RGS7: variants seen among roughly 807,000 people sequenced by gnomAD.
RGS7 encodes the protein regulator of G protein signaling 7.
Under a neutral mutation model 81.1 loss-of-function variants are expected in RGS7, and 27 were observed. That is an observed-to-expected ratio of 0.33 (90% CI 0.25 to 0.46). RGS7 has a LOEUF of 0.46. RGS7 is among the 20% of genes least tolerant of loss of function. The pLI is 1.00. For missense variants in RGS7, 396 were observed against 607.4 expected (o/e 0.65, Z 3.66); for synonymous variants, 208 against 207.7 (o/e 1.00, Z -0.01).
chr1:241,076,775 T>C (rs1008463412), intron 3 of RGS7, among the ~76,000 whole-genome samples: 1 of 152,208 alleles, frequency 6.6e-6, no homozygotes, highest in African/African-American at 2.4e-5. Flanking sequence ...TATCAGATCA[T>C]TTCACATGAG....
At chr1:241,216,417 C>A (rs1285930527) in intron 2 of RGS7, among the ~76,000 whole-genome samples, 1 of 152,116 alleles carries the variant, frequency 6.6e-6, no homozygotes, top group Non-Finnish European at 1.5e-5. Flanking sequence ...AAACAGTGTT[C>A]ATGGCGTGAC....
At chr1:241,228,463 T>C (rs960832536) in intron 2 of RGS7, among the ~76,000 whole-genome samples, 8 of 152,308 alleles carry the variant, frequency 5.3e-5, no homozygotes, top group Admixed American at 5.2e-4. Flanking sequence ...ATATTATCTA[T>C]CTATAAAGAC....
chr1:241,020,145 C>T (rs553764035), intron 3 of RGS7, among the ~76,000 whole-genome samples: 67 of 152,136 alleles, frequency 4.4e-4, no homozygotes, highest in Non-Finnish European at 7.3e-4. Flanking sequence ...AATGAAGTTG[C>T]TACAGGGGAT....
At chr1:241,291,033 G>T (rs1175019139) in intron 2 of RGS7, among the ~76,000 whole-genome samples, 1 of 152,102 alleles carries the variant, frequency 6.6e-6, no homozygotes, top group Admixed American at 6.6e-5. Context: ...CTCTTTTCTT[G>T]ATTTAAAGGA....
Position 240,782,117 on chromosome 1 carries a change from T to G in RGS7, c.*7-5904A>C, listed in dbSNP as rs561490013. On this transcript the variant is annotated intron_variant, in intron 18 of 18. Transcript: ENST00000440928. ...TGGAAGATTTACACTTGGATCTATT[T>G]GTAAACCATGTGCAAATCCTGCCTT... Among the ~76,000 whole-genome samples the G allele has an allele frequency of 9.2e-5, 14 of 152,312 alleles. 1 individual carries two copies. The South Asian group carries it at 2.3e-3, about 25-fold the overall frequency.
chr1:240,995,158 A>C (rs1265380091), intron 3 of RGS7, among the ~76,000 whole-genome samples: 1 of 152,112 alleles, frequency 6.6e-6, no homozygotes, highest in Non-Finnish European at 1.5e-5. Flanking sequence ...TTAATTTTTG[A>C]ATATTTAACC....
At chr1:240,956,357 C>G (rs1210304965) in intron 4 of RGS7, among the ~76,000 whole-genome samples, 1 of 138,656 alleles carries the variant, frequency 7.2e-6, no homozygotes, top group Non-Finnish European at 1.5e-5. Flanking sequence ...GAGATTATAT[C>G]CCAAAGTACC....
intron 4 of RGS7, among the ~76,000 whole-genome samples, chr1:240,968,515 C>T (rs1682699917): frequency 6.6e-6 from 1 of 150,720 alleles, no homozygotes; most frequent in Admixed American, 6.7e-5. Flanking sequence ...ATTCAAGAGG[C>T]CCCAATCACT....
chr1:240,868,545 C>T lies in RGS7; in HGVS notation c.609+42G>A, dbSNP rs373490073. ...CAGGGCACCCCTCACTTCCCACAGACGGAGAAGATGGATTCAAGACGAGAG... is the reference window on the plus strand; with the variant it reads ...CAGGGCACCCCTCACTTCCCACAGATGGAGAAGATGGATTCAAGACGAGAG... On this transcript the variant is annotated intron_variant, in intron 9 of 18. Transcript: ENST00000440928. This position sits in a 1 kb window ranked among gnomAD's most constrained non-coding sequence, Gnocchi z 5.1. 44 of 1,578,358 alleles carry T rather than the reference C, an allele frequency of 2.8e-5. No individual in the cohort carries two copies. Among genetic ancestry groups the T allele is most frequent in the Middle Eastern group, 1.8e-4 (1 of 5,704 alleles).
At position 240,916,858 on chromosome 1, in the gene RGS7, T is replaced by C. The variant is rs76323384; in HGVS notation, c.385+13859A>G. Among the ~76,000 whole-genome samples the C allele has an allele frequency of 7.0e-4, 107 of 152,336 alleles. 3 individuals carry two copies. The East Asian group carries it at 0.019, about 28-fold the overall frequency. ...CCATACAGTCTGTTATATTTTGTTA[T>C]GGTGGCTCTAGTAAAGGAATCCACC... On this transcript the variant is annotated intron_variant, in intron 6 of 18. Coordinates refer to ENST00000440928, the MANE Select transcript of RGS7 (RefSeq NM_001364886.1).
In RGS7 at chr1:241,277,710, G is replaced by A. The variant is rs901050713; in HGVS notation, c.78+77989C>T. ...ATATTTTAGCTGTGACTTTTCACTCGTCTCTAACCATCACTTGTGCGTACA... is the reference window on the plus strand; with the variant it reads ...ATATTTTAGCTGTGACTTTTCACTCATCTCTAACCATCACTTGTGCGTACA... On this transcript the variant is annotated intron_variant, in intron 2 of 18. Transcript: ENST00000440928. Among the ~76,000 whole-genome samples, 7 of 151,860 alleles carry A rather than the reference G, an allele frequency of 4.6e-5. No homozygotes were observed. The East Asian group carries it at 7.7e-4, about 17-fold the overall frequency.
intron 3 of RGS7, among the ~76,000 whole-genome samples, chr1:241,062,587 T>G (rs903969502): frequency 6.6e-6 from 1 of 152,208 alleles, no homozygotes; most frequent in Non-Finnish European, 1.5e-5. Context: ...GAAGTAGTTT[T>G]CCCCAGACTC....
chr1:240,994,906 C>T (rs1456074880), intron 3 of RGS7, among the ~76,000 whole-genome samples: 2 of 152,044 alleles, frequency 1.3e-5, no homozygotes, highest in African/African-American at 4.8e-5. Flanking sequence ...AACTCCTGGT[C>T]TCCAAGTGAT....
chr1:241,203,796 C>T (rs565745503), intron 2 of RGS7, among the ~76,000 whole-genome samples: 2 of 152,132 alleles, frequency 1.3e-5, no homozygotes, highest in South Asian at 2.1e-4. Flanking sequence ...TTCATTTATT[C>T]GTTCGTTCAT....
At chr1:240,963,972 A>C (rs1208284152) in intron 4 of RGS7, among the ~76,000 whole-genome samples, 2 of 152,300 alleles carry the variant, frequency 1.3e-5, no homozygotes, top group East Asian at 3.9e-4. Flanking sequence ...TGATTGTGCC[A>C]CTGTACTTCA....
At chr1:241,031,492 C>T (rs558551865) in intron 3 of RGS7, among the ~76,000 whole-genome samples, 2 of 152,134 alleles carry the variant, frequency 1.3e-5, no homozygotes, top group Non-Finnish European at 2.9e-5. Flanking sequence ...GGTAGATGCT[C>T]AGTATTGGGA....
At chr1:241,237,808 T>C (rs1411570595) in intron 2 of RGS7, among the ~76,000 whole-genome samples, 1 of 151,944 alleles carries the variant, frequency 6.6e-6, no homozygotes, top group Admixed American at 6.6e-5. Flanking sequence ...ACCGTTCGAG[T>C]ATAATTTGAG....
Position 241,092,935 on chromosome 1 carries a change from G to A in RGS7, c.175+5731C>T, listed in dbSNP as rs904323269. Among the ~76,000 whole-genome samples, 10 of 151,788 alleles carry A rather than the reference G, an allele frequency of 6.6e-5. 1 individual carries two copies. The highest frequency in any genetic ancestry group is 5.9e-4 in the Admixed American group (9 of 15,240). ...AATCACATGAGAAAAAGAAAGAATG[G>A]AACATTAAATTTAGCAGTGAACTTC... is the stretch of plus-strand genomic sequence containing the variant. On this transcript the variant is annotated intron_variant, in intron 3 of 18. Coordinates refer to ENST00000440928, the MANE Select transcript of RGS7 (RefSeq NM_001364886.1).
chr1:241,290,790 CAG>C (rs2079046562), intron 2 of RGS7, among the ~76,000 whole-genome samples: 1 of 152,292 alleles, frequency 6.6e-6, no homozygotes, highest in Admixed American at 6.5e-5. Context: ...CAACTGTCAA[CAG>C]AGTTGACAGC....
Sources: allele counts gnomAD v4.1 joint callset (sites outside exome capture counted in the v4.1 genomes callset), GRCh38; gene constraint gnomAD v4.1.1; non-coding constraint Gnocchi (gnomAD v3.1); transcripts MANE v1.5; gene names NCBI Gene and HGNC (gene_info 2026-07-23, HGNC 2026-07-21).